The following FGF13 variants were observed in gnomAD, a reference collection of about 807,000 sequenced individuals.
The protein encoded by FGF13 is fibroblast growth factor 13.
FGF13 carries 2 observed loss-of-function variants against 19.5 expected under a neutral mutation model. The observed-to-expected ratio is 0.10, with a 90% CI of 0.04 to 0.32. FGF13 has a LOEUF of 0.32. Among genes scored for constraint, FGF13 ranks in the 10% least tolerant of loss-of-function variants. The pLI is 1.00. For missense variants in FGF13, 113 were observed against 192.7 expected (o/e 0.59, Z 2.45); for synonymous variants, 72 against 76.9 (o/e 0.94, Z 0.33).
chrX:138,962,328 TAA>T (rs2091875462), intron 1 of FGF13, among the ~76,000 whole-genome samples: 1 of 111,542 alleles, frequency 9.0e-6, no homozygotes, highest in African/African-American at 3.3e-5. Context: ...TGGTGATCAT[TAA>T]AAAGTCAGGA....
intron 1 of FGF13, among the ~76,000 whole-genome samples, chrX:138,876,744 C>A (rs1162675373): frequency 8.9e-6 from 1 of 111,953 alleles, no homozygotes; most frequent in Non-Finnish European, 1.9e-5. Context: ...TTACTAGCCC[C>A]AAATGTGCTG....
At chrX:139,033,788 G>C (rs1213781774) in intron 1 of FGF13, among the ~76,000 whole-genome samples, 5 of 111,808 alleles carry the variant, frequency 4.5e-5, no homozygotes, top group African/African-American at 1.3e-4. Context: ...AATAGGCAAT[G>C]GTCTTGGAAG....
intron 1 of FGF13, among the ~76,000 whole-genome samples, chrX:139,184,921 G>C (rs1039420812): frequency 8.9e-6 from 1 of 111,892 alleles, no homozygotes; most frequent in Non-Finnish European, 1.9e-5. Flanking sequence ...CTTCTTTAGA[G>C]AAAACACTCA....
chrX:138,956,583 CT>C (rs2091842254), intron 1 of FGF13, among the ~76,000 whole-genome samples: 1 of 110,737 alleles, frequency 9.0e-6, no homozygotes, highest in Non-Finnish European at 1.9e-5. Context: ...CAACTCTGCT[CT>C]TTTTGGATCA....
At chrX:139,177,909 G>A (rs1035637460) in intron 1 of FGF13, among the ~76,000 whole-genome samples, 2 of 112,316 alleles carry the variant, frequency 1.8e-5, no homozygotes, top group Non-Finnish European at 3.8e-5. Flanking sequence ...CATGGGAAAA[G>A]CATAGTATCT....
At chrX:138,637,887 A>G (rs2089201656) in intron 3 of FGF13, among the ~76,000 whole-genome samples, 1 of 111,889 alleles carries the variant, frequency 8.9e-6, no homozygotes, top group Non-Finnish European at 1.9e-5. Context: ...AAAACAGGGA[A>G]GAATAATATT....
intron 1 of FGF13, among the ~76,000 whole-genome samples, chrX:138,875,611 T>C (rs767838217): frequency 3.9e-4 from 44 of 111,632 alleles, no homozygotes; most frequent in African/African-American, 1.2e-3. Context: ...TCTTAATCGG[T>C]AGACTGAGTA....
At chrX:138,639,070 T>A (rs755877895) in intron 3 of FGF13, among the ~76,000 whole-genome samples, 2 of 111,786 alleles carry the variant, frequency 1.8e-5, no homozygotes, top group South Asian at 7.5e-4. Context: ...TTATCCAGTG[T>A]TGAGTAGGCA....
At chrX:138,941,720 A>C (rs1315741999) in intron 1 of FGF13, among the ~76,000 whole-genome samples, 1 of 112,250 alleles carries the variant, frequency 8.9e-6, no homozygotes, top group Non-Finnish European at 1.9e-5. Context: ...ATTTAAGTGG[A>C]AAGTCCCTGC....
chrX:138,984,303 G>A (rs1464929779), intron 1 of FGF13, among the ~76,000 whole-genome samples: 1 of 108,258 alleles, frequency 9.2e-6, no homozygotes, highest in Non-Finnish European at 1.9e-5. Flanking sequence ...AAGTACTCAG[G>A]AGTTTGAGGC....
chrX:138,709,467 T>C (rs912709540), intron 1 of FGF13, among the ~76,000 whole-genome samples: 1 of 111,813 alleles, frequency 8.9e-6, no homozygotes, highest in Non-Finnish European at 1.9e-5. Flanking sequence ...AAATTGAGCC[T>C]TTTATACCAA....
At chrX:138,756,859 A>G (rs1387054844) in intron 3 of FGF13, among the ~76,000 whole-genome samples, 10 of 111,342 alleles carry the variant, frequency 9.0e-5, no homozygotes, top group Admixed American at 3.8e-4. Flanking sequence ...TGTCCACTAT[A>G]TACTCCATCT....
At position 138,625,019 on chromosome X, in the gene FGF13, A is replaced by T. The variant is rs2089045263; in HGVS notation, c.*7831T>A. 1 of 111,013 alleles carries T rather than the reference A, an allele frequency of 9.0e-6. No individual in the cohort carries two copies. Among genetic ancestry groups the T allele is most frequent in the Non-Finnish European group, 1.9e-5 (1 of 53,020 alleles). The allele number at this position is 111,013 out of a possible 1,213,427, so 9.1% of individuals were successfully genotyped here. A position where few individuals can be genotyped will look rare whatever the true frequency, so the allele number is the denominator to read the frequency against. On this transcript the variant is annotated 3_prime_UTR_variant, in exon 5 of 5. Transcript: ENST00000315930. ...AAGTAAACTGTATTTTGAAAAATGG[A>T]CCAAGGAGCTGAATAGACATCTCTC...
intron 1 of FGF13, among the ~76,000 whole-genome samples, chrX:138,894,605 C>T (rs1192591582): frequency 9.0e-6 from 1 of 110,838 alleles, no homozygotes; most frequent in Non-Finnish European, 1.9e-5. Context: ...CAAGACTAAA[C>T]CAGGAAGAAG....
chrX:139,108,008 G>A (rs2083572048), intron 1 of FGF13, among the ~76,000 whole-genome samples: 1 of 111,463 alleles, frequency 9.0e-6, no homozygotes, highest in Non-Finnish European at 1.9e-5. Context: ...GGAAGACTGT[G>A]AAGACCAAAT....
At chrX:139,131,385 GT>G (rs1569456245) in intron 1 of FGF13, among the ~76,000 whole-genome samples, 11 of 2,370 alleles carry the variant, frequency 4.6e-3, no homozygotes, top group East Asian at 0.038. Context: ...ATAGAGGGGT[GT>G]GTGTGTGTGT....
chrX:138,627,891 CTTT>C lies in FGF13; in HGVS notation c.*4956_*4958del. 9.0e-6 allele frequency: 1 copy of C among 110,594 alleles called. No homozygotes were observed. 9.1% of individuals were successfully genotyped at this position (110,594 alleles called of 1,213,427 possible). A position where few individuals can be genotyped will look rare whatever the true frequency, so the allele number is the denominator to read the frequency against. On this transcript the variant is annotated 3_prime_UTR_variant, in exon 5 of 5. Transcript: ENST00000315930. ...GCCATGTATTATACTTGTCTGCATT[CTTT>C]ATTACGGTAAATGTGATGAGAAATA...
intron 1 of FGF13, among the ~76,000 whole-genome samples, chrX:138,870,858 A>T (rs1312597428): frequency 8.9e-6 from 1 of 112,327 alleles, no homozygotes; most frequent in Non-Finnish European, 1.9e-5. Flanking sequence ...TTGACAGCCA[A>T]CAATAAAGCA....
At chrX:138,905,493 A>T (rs1353988787) in intron 1 of FGF13, among the ~76,000 whole-genome samples, 1 of 111,754 alleles carries the variant, frequency 8.9e-6, no homozygotes, top group Non-Finnish European at 1.9e-5. Flanking sequence ...CCAGAAGGCA[A>T]TAAGACTCTA....
Sources: gnomAD v4.1 joint callset for allele counts (sites outside exome capture counted in the v4.1 genomes callset) on GRCh38, gnomAD v4.1.1 for gene constraint, MANE v1.5 for transcripts, NCBI Gene and HGNC (gene_info 2026-07-23, HGNC 2026-07-21) for gene names.